INPPL1: variants seen among roughly 807,000 people sequenced by gnomAD.
INPPL1 encodes phosphatidylinositol 3,4,5-trisphosphate 5-phosphatase 2.
In INPPL1, 91 loss-of-function variants were observed where a neutral mutation model predicts 139.3. The observed-to-expected ratio is 0.65, with a 90% CI of 0.55 to 0.78. The LOEUF (loss-of-function observed/expected upper bound fraction) is 0.78, where lower values mean the gene tolerates loss of function less well. Ranked by LOEUF, INPPL1 falls within the 30% of genes least tolerant of loss-of-function variation. The pLI is 0.00. For synonymous variants in INPPL1, 719 were observed against 686.6 expected (o/e 1.05, Z -0.74); for missense variants, 1,411 against 1,665.6 (o/e 0.85, Z 2.66).
Position 72,228,003 on chromosome 11 carries a change from A to G in INPPL1, c.183-187A>G, listed in dbSNP as rs1228622532. 1.6e-6 allele frequency: 1 copy of G among 626,210 alleles called. No homozygotes were observed. The highest frequency in any genetic ancestry group is 2.8e-5 in the East Asian group (1 of 35,128). The allele number at this position is 626,210 out of a possible 1,614,324, so 38.8% of individuals were successfully genotyped here. ...GGGGTGTTCTGGTCATTCCTGCCCA[A>G]TAGGCAACACCAGGAGGGTGGAAGT... On this transcript the variant is annotated intron_variant, in intron 1 of 27. Coordinates refer to ENST00000298229, the MANE Select transcript of INPPL1 (RefSeq NM_001567.4). The surrounding 1 kb of genome is among the most constrained non-coding windows in gnomAD (Gnocchi z 5.0).
At chr11:72,233,400 C>G in intron 17 of INPPL1, 41 bp from the exon 18 acceptor site, 1 of 1,573,746 alleles carries the variant, frequency 6.4e-7, no homozygotes, top group Non-Finnish European at 8.7e-7. Context: ...AAGCAGCCTC[C>G]TAGCTGTCAG....
intron 26 of INPPL1, 62 bp from the exon 27 acceptor site, chr11:72,237,980 T>C: frequency 6.7e-7 from 1 of 1,497,956 alleles, no homozygotes; most frequent in East Asian, 2.3e-5. Flanking sequence ...TGCAGCAGAA[T>C]GTGACTGCAG....
chr11:72,231,118 G>A lies in INPPL1; in HGVS notation c.1426G>A (p.Val476Met). ...IYVFGTQENS[V>M]GDREWLDLLR... ...TGTCTTTGGGACCCAGGAGAACTCA[G>A]TGGGCGACCGCGAGTGGCTGGACCT... Residue 476 changes from valine (V) to methionine (M), a missense_variant, in exon 12 of 28, where the codon GTG becomes ATG. Physicochemically the swap from Val to Met is conservative, Grantham distance 21. Around this residue, in one of 5 missense-constraint regions of INPPL1, gnomAD observed 363 missense variants for 446.2 expected, o/e 0.81. Coordinates refer to ENST00000298229, the MANE Select transcript of INPPL1 (RefSeq NM_001567.4). 6.2e-7 allele frequency: 1 copy of A among 1,613,932 alleles called. No homozygotes were observed. Among genetic ancestry groups the A allele is most frequent in the Non-Finnish European group, 8.5e-7 (1 of 1,180,014 alleles).
intron 14 of INPPL1, 54 bp downstream of exon 14, chr11:72,232,390 C>T: frequency 6.8e-7 from 1 of 1,462,828 alleles, no homozygotes. Flanking sequence ...TCACCTGAGG[C>T]CTGTTCCCGC....
Position 72,237,198 on chromosome 11 carries a change from C to T in INPPL1, c.2954C>T (p.Ala985Val). 1.2e-6 allele frequency: 2 copies of T among 1,613,954 alleles called. No individual in the cohort carries two copies. The highest frequency in any genetic ancestry group is 1.7e-5 in the Admixed American group (1 of 60,010). ...PPPKNSFNNP[A>V]YYVLEGVPHQ... is the part of the protein sequence containing the mutation. Reference sequence around the variant, plus strand: ...CCCAAGAACAGCTTCAATAACCCTGCCTACTACGTCCTTGAAGGGGTCCCG... The same window carrying T: ...CCCAAGAACAGCTTCAATAACCCTGTCTACTACGTCCTTGAAGGGGTCCCG... The change falls in exon 26 of 28, where the codon GCC becomes GTC. Residue 985 changes from alanine to valine, a missense_variant. By Grantham distance (64) the Ala-to-Val change is moderately conservative. This residue lies in a region of INPPL1 where 438 missense variants were observed against 425.7 expected (regional missense o/e 1.03). Transcript: ENST00000298229.
At position 72,230,157 on chromosome 11, in the gene INPPL1, AT is replaced by A; in HGVS notation, c.978del (p.Ile326MetfsTer9). 6.2e-7 allele frequency: 1 copy of A among 1,611,280 alleles called. No homozygotes were observed. Among genetic ancestry groups the A allele is most frequent in the Non-Finnish European group, 8.5e-7 (1 of 1,177,904 alleles). Reference sequence around the variant, plus strand: ...TGTGACCCTGGGTGACCTGACCAAGATTGGGAAGTCACAGAAGTTCACGCTG... The same window carrying A: ...TGTGACCCTGGGTGACCTGACCAAGATGGGAAGTCACAGAAGTTCACGCTG... ...LDVTLGDLTK[I>X]GKSQKFTLSV... On this transcript the variant is annotated frameshift_variant, in exon 9 of 28. Coordinates refer to ENST00000298229, the MANE Select transcript of INPPL1 (RefSeq NM_001567.4). LOFTEE classifies it high-confidence loss of function.
At position 72,236,006 on chromosome 11, in the gene INPPL1, AC is replaced by A; in HGVS notation, c.2879+22del. The A allele has an allele frequency of 7.1e-7, 1 of 1,412,742 alleles. No homozygotes were observed. Among genetic ancestry groups the A allele is most frequent in the Non-Finnish European group, 9.6e-7 (1 of 1,037,146 alleles). 87.5% of individuals were successfully genotyped at this position (1,412,742 alleles called of 1,614,324 possible). On this transcript the variant is annotated intron_variant, in intron 25 of 27. Coordinates refer to ENST00000298229, the MANE Select transcript of INPPL1 (RefSeq NM_001567.4). ...CCCCAGGTGAGAGGAGGAACCTGTC[AC>A]CGCCCCCCCTTCCCCCACCCACCTC...
chr11:72,226,697 A>G (rs1948684050), intron 1 of INPPL1, among the ~76,000 whole-genome samples: 1 of 152,194 alleles, frequency 6.6e-6, no homozygotes, highest in African/African-American at 2.4e-5. Flanking sequence ...TTAGGCCTCA[A>G]GTCTGAGGCC....
In INPPL1 at chr11:72,234,738, T is replaced by A. The variant is rs1177713787; in HGVS notation, c.2415+123T>A. 2.1e-4 allele frequency: 127 copies of A among 595,520 alleles called. No individual in the cohort carries two copies. Among genetic ancestry groups the A allele is most frequent in the Middle Eastern group, 9.1e-4 (2 of 2,196 alleles). The allele number at this position is 595,520 out of a possible 1,614,324, so 36.9% of individuals were successfully genotyped here. Reference sequence around the variant, plus strand: ...AGCAGAGAGAGAGAGAGAGAGTGTGTGTGTGTGTGTGTGTGTGTGTGTGTG... The same window carrying A: ...AGCAGAGAGAGAGAGAGAGAGTGTGAGTGTGTGTGTGTGTGTGTGTGTGTG... On this transcript the variant is annotated intron_variant, in intron 21 of 27. Coordinates refer to ENST00000298229, the MANE Select transcript of INPPL1 (RefSeq NM_001567.4). The surrounding 1 kb of genome is among the most constrained non-coding windows in gnomAD (Gnocchi z 4.2).
rs780938497 is a variant in INPPL1, at chr11:72,234,575, A to G, written c.2375A>G (p.Asn792Ser). The change falls in exon 21 of 28, where the codon AAC becomes AGC. Residue 792 changes from asparagine to serine, a missense_variant. Transcript: ENST00000298229. This position sits in a 1 kb window ranked among gnomAD's most constrained non-coding sequence, Gnocchi z 4.2. Reference protein sequence around the residue: ...ENDAQSSDNINFLKVQWSSRQ... With the variant: ...ENDAQSSDNISFLKVQWSSRQ... ...GATGCCCAGAGCAGTGACAACATCA[A>G]CTTCCTCAAAGTGCAGTGGTCTTCA... 7 of 1,613,984 alleles carry G rather than the reference A, an allele frequency of 4.3e-6. No individual in the cohort carries two copies. The highest frequency in any genetic ancestry group is 2.7e-5 in the African/African-American group (2 of 74,988).
rs570787110 is a variant in INPPL1 at position 72,232,041 on chromosome 11, T to C, written c.1616-199T>C. On this transcript the variant is annotated intron_variant, in intron 13 of 27. Transcript: ENST00000298229. Reference sequence around the variant, plus strand: ...CACACATACAGACAGACTCAGGCCATCCACACAGACCATGTGTGCCCAATG... The same window carrying C: ...CACACATACAGACAGACTCAGGCCACCCACACAGACCATGTGTGCCCAATG... 2.1e-3 allele frequency among the ~76,000 whole-genome samples: 324 copies of C among 152,178 alleles called. 1 individual carries two copies. Among genetic ancestry groups the C allele is most frequent in the African/African-American group, 7.4e-3 (306 of 41,526 alleles).
chr11:72,225,243 GT>G, intron 1 of INPPL1, 77 bp downstream of exon 1: 1 of 1,224,260 alleles, frequency 8.2e-7, no homozygotes, highest in East Asian at 3.2e-5. Context: ...AAGGGCCCGG[GT>G]GAGGGTTTCT....
chr11:72,229,047 A>C, intron 4 of INPPL1, 43 bp from the exon 5 acceptor site: 1 of 1,569,500 alleles, frequency 6.4e-7, no homozygotes, highest in Non-Finnish European at 8.7e-7. Flanking sequence ...GTGCTGGGAC[A>C]GGTCAGCAGG....
In INPPL1 at chr11:72,238,123, C is replaced by A; in HGVS notation, c.3634C>A (p.Arg1212Ser). The A allele has an allele frequency of 1.3e-6, 2 of 1,577,520 alleles. No individual in the cohort carries two copies. Among genetic ancestry groups the A allele is most frequent in the Non-Finnish European group, 8.6e-7 (1 of 1,162,436 alleles). Residue 1212 changes from arginine to serine, a missense_variant, in exon 27 of 28, where the codon CGC becomes AGC. Transcript: ENST00000298229. ...SAWLRAIGLERYEEGLVHNGW... is the reference protein window; with the variant it reads ...SAWLRAIGLESYEEGLVHNGW... ...CTGGCTGCGGGCCATCGGCTTGGAG[C>A]GCTATGAGGAGGGCCTGGTGCATAA...
At chr11:72,230,322 TA>T in intron 9 of INPPL1, 39 bp from the exon 10 acceptor site, 1 of 1,613,134 alleles carries the variant, frequency 6.2e-7, no homozygotes, top group Non-Finnish European at 8.5e-7. Flanking sequence ...GCCCCTGGCC[TA>T]GGGGCACAGG....
chr11:72,234,072 G>GT lies in INPPL1; in HGVS notation c.2213-203dup, dbSNP rs1176607582. On this transcript the variant is annotated intron_variant, in intron 19 of 27. Coordinates refer to ENST00000298229, the MANE Select transcript of INPPL1 (RefSeq NM_001567.4). This position sits in a 1 kb window ranked among gnomAD's most constrained non-coding sequence, Gnocchi z 4.2. The stretch of plus-strand genomic sequence containing the variant: ...TGGTCCCCAGCACCCTCTTCAATGG[G>GT]TTTTTTATCCTTGGGTTGTCTCTTT... 6.6e-6 allele frequency among the ~76,000 whole-genome samples: 1 copy of GT among 152,150 alleles called. No homozygotes were observed. Among genetic ancestry groups the GT allele is most frequent in the East Asian group, 1.9e-4 (1 of 5,188 alleles).
upstream of INPPL1, chr11:72,224,662 G>T (rs1948614122): frequency 6.6e-6 from 1 of 150,814 alleles, no homozygotes; most frequent in Non-Finnish European, 1.5e-5. Context: ...GGAGGAGCTG[G>T]GGGCAGGGGC....
intron 1 of INPPL1, chr11:72,225,673 G>A: frequency 3.9e-6 from 1 of 254,302 alleles, no homozygotes; most frequent in Non-Finnish European, 6.2e-6. Context: ...GGTGATGGGT[G>A]GTGTAGAGAG....
chr11:72,231,507 C>T lies in INPPL1; in HGVS notation c.1507C>T (p.Gln503Ter). 1 of 1,613,214 alleles carries T rather than the reference C, an allele frequency of 6.2e-7. No homozygotes were observed. The highest frequency in any genetic ancestry group is 8.5e-7 in the Non-Finnish European group (1 of 1,179,372). Residue 503 changes from glutamine to a stop codon, truncating the protein, a stop_gained, in exon 13 of 28, where the codon CAA becomes TAA. Transcript: ENST00000298229. LOFTEE classifies it high-confidence loss of function. ...TGCACTCTCTACCCAGATTGCCATG[C>T]AATCACTGTGGAATATCAAGGTGGC... is the stretch of plus-strand genomic sequence containing the variant. ...TDLDYRPIAM[Q>*]SLWNIKVAVL...
Sources: allele counts gnomAD v4.1 joint callset (sites outside exome capture counted in the v4.1 genomes callset), GRCh38; gene constraint gnomAD v4.1.1; regional missense constraint gnomAD v4.1.1; non-coding constraint Gnocchi (gnomAD v3.1); transcripts MANE v1.5; gene names NCBI Gene and HGNC (gene_info 2026-07-23, HGNC 2026-07-21).